The following EPHB1 variants were observed in gnomAD, a reference collection of about 807,000 sequenced individuals.
The protein encoded by EPHB1 is ephrin type-B receptor 1.
A neutral mutation model predicts 94.4 loss-of-function variants in EPHB1; 30 were observed. The observed-to-expected ratio is 0.32, with a 90% confidence interval of 0.24 to 0.43. The LOEUF is 0.43. Among genes scored for constraint, EPHB1 ranks in the 20% least tolerant of loss-of-function variants. EPHB1 has a pLI of 1.00. For missense variants in EPHB1, 1,055 were observed against 1,308.3 expected (o/e 0.81, Z 2.99); for synonymous variants, 522 against 489.1 (o/e 1.07, Z -0.89).
At chr3:134,975,451 T>C (rs1372566799) in intron 3 of EPHB1, among the ~76,000 whole-genome samples, 1 of 151,964 alleles carries the variant, frequency 6.6e-6, no homozygotes. Flanking sequence ...GGAAGAATAG[T>C]GGTGGGAATT....
chr3:134,830,437 A>G (rs1410146085), intron 1 of EPHB1, among the ~76,000 whole-genome samples: 2 of 152,108 alleles, frequency 1.3e-5, no homozygotes, highest in African/African-American at 4.8e-5. Context: ...AATATTTTCA[A>G]TTAAAATTTT....
intron 1 of EPHB1, among the ~76,000 whole-genome samples, chr3:134,797,686 C>T (rs954798513): frequency 1.3e-5 from 2 of 152,166 alleles, no homozygotes; most frequent in Non-Finnish European, 2.9e-5. Flanking sequence ...GGAAGCTGCC[C>T]GCGGGTGCCA....
intron 6 of EPHB1, among the ~76,000 whole-genome samples, chr3:135,158,319 C>T (rs73862036): frequency 0.047 from 7,109 of 152,234 alleles, 549 homozygotes; most frequent in African/African-American, 0.16. Context: ...CAGGAGTCAG[C>T]AAGCTTTTCC....
intron 3 of EPHB1, among the ~76,000 whole-genome samples, chr3:135,097,062 C>G (rs1488443343): frequency 4.9e-5 from 7 of 142,370 alleles, no homozygotes; most frequent in Non-Finnish European, 9.0e-5. Flanking sequence ...TGCCACTGCA[C>G]TCCAGCCTGG....
chr3:135,160,834 G>A (rs1438241558), intron 6 of EPHB1, among the ~76,000 whole-genome samples: 1 of 152,200 alleles, frequency 6.6e-6, no homozygotes, highest in African/African-American at 2.4e-5. Flanking sequence ...ATAGGCTTAA[G>A]CAATCTGGAG....
intron 3 of EPHB1, among the ~76,000 whole-genome samples, chr3:135,084,230 C>T (rs1425959652): frequency 6.6e-6 from 1 of 152,076 alleles, no homozygotes; most frequent in Non-Finnish European, 1.5e-5. Context: ...TGGAGATGCC[C>T]TGCACGCTAA....
At chr3:134,892,667 T>C (rs1346502090) in intron 1 of EPHB1, among the ~76,000 whole-genome samples, 2 of 152,198 alleles carry the variant, frequency 1.3e-5, no homozygotes, top group Non-Finnish European at 2.9e-5. Flanking sequence ...TTTTTCTTCC[T>C]GATGGACAAA....
intron 3 of EPHB1, among the ~76,000 whole-genome samples, chr3:134,971,985 T>G (rs1933987325): frequency 6.6e-6 from 1 of 152,184 alleles, no homozygotes; most frequent in Non-Finnish European, 1.5e-5. Flanking sequence ...AATGGTATTT[T>G]AATGAAGACT....
intron 3 of EPHB1, among the ~76,000 whole-genome samples, chr3:135,008,251 G>A (rs2107747320): frequency 6.6e-6 from 1 of 152,284 alleles, no homozygotes; most frequent in East Asian, 1.9e-4. Context: ...TATACATAGT[G>A]CTTACTATGT....
chr3:134,981,361 A>G (rs976308409), intron 3 of EPHB1, among the ~76,000 whole-genome samples: 1 of 152,212 alleles, frequency 6.6e-6, no homozygotes, highest in African/African-American at 2.4e-5. Flanking sequence ...CATCAAGGGT[A>G]GGCAGGTATC....
At chr3:134,952,194 T>G in intron 3 of EPHB1, 142 bp downstream of exon 3, 2 of 841,362 alleles carry the variant, frequency 2.4e-6, no homozygotes, top group Non-Finnish European at 3.6e-6. Context: ...CCATTCCTAG[T>G]GCTAGGCCTG....
intron 1 of EPHB1, among the ~76,000 whole-genome samples, chr3:134,804,558 T>G (rs895062699): frequency 3.9e-5 from 6 of 151,994 alleles, no homozygotes; most frequent in South Asian, 2.1e-4. Context: ...TGGGTGTGTG[T>G]GGGGGGGAGG....
At chr3:135,167,670 C>G (rs753233373) in intron 9 of EPHB1, among the ~76,000 whole-genome samples, 1 of 152,200 alleles carries the variant, frequency 6.6e-6, no homozygotes, top group Non-Finnish European at 1.5e-5. Flanking sequence ...TGAGAAAGGT[C>G]TCTCTAGGTC....
chr3:135,173,453 A>C (rs957506023), intron 9 of EPHB1, among the ~76,000 whole-genome samples: 2 of 152,148 alleles, frequency 1.3e-5, no homozygotes, highest in Admixed American at 1.3e-4. Flanking sequence ...CCCCAAACAC[A>C]AAGTGTCAGG....
chr3:135,113,344 T>C (rs1939542070), intron 4 of EPHB1, among the ~76,000 whole-genome samples: 1 of 152,260 alleles, frequency 6.6e-6, no homozygotes, highest in South Asian at 2.1e-4. Context: ...TTGACCCAAG[T>C]GAGTATAACC....
chr3:134,892,557 C>T (rs926019268), intron 1 of EPHB1, among the ~76,000 whole-genome samples: 5 of 152,230 alleles, frequency 3.3e-5, no homozygotes, highest in African/African-American at 1.2e-4. Flanking sequence ...TAGGTGACCC[C>T]TCAGGGGAAC....
chr3:135,147,357 A>G (rs1395479567), intron 5 of EPHB1, among the ~76,000 whole-genome samples: 2 of 152,246 alleles, frequency 1.3e-5, no homozygotes, highest in Non-Finnish European at 2.9e-5. Flanking sequence ...TCCCAAGAGA[A>G]ATGCAAACAT....
rs61736108 is a variant in EPHB1, at chr3:135,248,508, G to T, written c.2689G>T (p.Val897Leu). The T allele has an allele frequency of 4.4e-6, 7 of 1,591,864 alleles. No individual in the cohort carries two copies. The highest frequency in any genetic ancestry group is 1.7e-5 in the Admixed American group (1 of 58,144). The part of the protein sequence containing the change: ...SLKTVATITA[V>L]PSQPLLDRSI... ...CAAGACTGTGGCAACCATCACCGCC[G>T]TGTGAGTCTAGTGAAACGGTGATCC... Residue 897 changes from valine to leucine, a missense_variant and splice_region_variant, in exon 14 of 16, where the codon GTG (valine) becomes TTG (leucine). Physicochemically the swap from Val to Leu is conservative, Grantham distance 32. Coordinates refer to ENST00000398015, the MANE Select transcript of EPHB1 (RefSeq NM_004441.5).
At chr3:135,090,321 G>A (rs575870870) in intron 3 of EPHB1, among the ~76,000 whole-genome samples, 3 of 152,338 alleles carry the variant, frequency 2.0e-5, no homozygotes, top group Admixed American at 1.3e-4. Context: ...GAGTTGGTGA[G>A]GTCCTGAGCA....
Sources: allele counts gnomAD v4.1 joint callset (sites outside exome capture counted in the v4.1 genomes callset), GRCh38; gene constraint gnomAD v4.1.1; transcripts MANE v1.5; gene names NCBI Gene and HGNC (gene_info 2026-07-23, HGNC 2026-07-21).